Variants in RAPGEF2 observed in about 807,000 individuals in gnomAD.
The protein encoded by RAPGEF2 is PDZ domain containing guanine nucleotide exchange factor (GEF) 1.
Under a neutral mutation model 186.7 loss-of-function variants are expected in RAPGEF2, and 54 were observed. The observed-to-expected ratio is 0.29, with a 90% CI of 0.23 to 0.36. The LOEUF is 0.36. Ranked by LOEUF, RAPGEF2 falls within the 10% of genes least tolerant of loss-of-function variation. The pLI, the probability that RAPGEF2 is intolerant of heterozygous loss-of-function variation, is 1.00. For synonymous variants in RAPGEF2, 712 were observed against 705.9 expected (o/e 1.01, Z -0.14); for missense variants, 1,532 against 2,045.0 (o/e 0.75, Z 4.84).
rs567321043 is a variant in RAPGEF2 at position 159,139,575 on chromosome 4, TA to T, written c.69+35355del. Among the ~76,000 whole-genome samples, 1,373 of 148,022 alleles carry T rather than the reference TA, an allele frequency of 9.3e-3. 8 individuals are homozygous for T. Among genetic ancestry groups the T allele is most frequent in the African/African-American group, 0.019 (772 of 40,666 alleles). ...ACATGGAGTGTGATACTGGTGAAAT[TA>T]AAAAAAAAAATGTAGCACTTTAAAT... is the stretch of plus-strand genomic sequence containing the variant. On this transcript the variant is annotated intron_variant, in intron 1 of 29. Coordinates refer to ENST00000691494, the MANE Select transcript of RAPGEF2 (RefSeq NM_001394067.2).
chr4:159,154,587 A>G (rs138709388), intron 1 of RAPGEF2, among the ~76,000 whole-genome samples: 1 of 151,802 alleles, frequency 6.6e-6, no homozygotes, highest in African/African-American at 2.4e-5. Context: ...TTTAGCATTT[A>G]AGATCAAATG....
rs144126951 is a variant in RAPGEF2, at chr4:159,347,348, A to G, written c.3712+350A>G. Among the ~76,000 whole-genome samples the G allele has an allele frequency of 2.8e-3, 427 of 152,384 alleles. 2 individuals are homozygous for G. The highest frequency in any genetic ancestry group is 9.2e-3 in the African/African-American group (383 of 41,588). On this transcript the variant is annotated intron_variant, in intron 25 of 29. Transcript: ENST00000691494. The stretch of plus-strand genomic sequence containing the variant: ...ACAACCAACAAACTGCTGGGATTTA[A>G]GCAGAATATTTTTAAGTTAAATGAA...
intron 3 of RAPGEF2, 99 bp downstream of exon 3, chr4:159,193,355 C>G (rs1285160198): frequency 5.5e-6 from 3 of 542,820 alleles, no homozygotes; most frequent in Admixed American, 4.2e-5. Flanking sequence ...TAAGTCAGCA[C>G]TAACTTATTT....
chr4:159,254,110 T>TGGA (rs1755838723), intron 7 of RAPGEF2, among the ~76,000 whole-genome samples: 1 of 152,172 alleles, frequency 6.6e-6, no homozygotes, highest in Non-Finnish European at 1.5e-5. Context: ...TACTAATGGG[T>TGGA]GGAGATATAA....
At position 159,103,470 on chromosome 4, in the gene RAPGEF2, A is replaced by G; in HGVS notation, c.-693A>G. ...GGCGGCGGCTGGGCGGCCCGAGGGG[A>G]TGCAGCAGCAGTCGGGAGGGACGGC... On this transcript the variant is annotated 5_prime_UTR_variant, in exon 1 of 30. The change abolishes an upstream ATG in the 5' untranslated region. Transcript: ENST00000691494. 6.4e-6 allele frequency: 1 copy of G among 157,302 alleles called. No homozygotes were observed. The highest frequency in any genetic ancestry group is 1.4e-5 in the Non-Finnish European group (1 of 71,916). The allele number at this position is 157,302 out of a possible 1,614,324, so 9.7% of individuals were successfully genotyped here. A position where few individuals can be genotyped will look rare whatever the true frequency, so the allele number is the denominator to read the frequency against.
intron 2 of RAPGEF2, among the ~76,000 whole-genome samples, chr4:159,191,889 G>A (rs1207634151): frequency 6.6e-6 from 1 of 152,198 alleles, no homozygotes; most frequent in Non-Finnish European, 1.5e-5. Flanking sequence ...CTTGAGTTAT[G>A]TTACATATTA....
Position 159,217,426 on chromosome 4 carries a change from T to C in RAPGEF2, c.281+6843T>C, listed in dbSNP as rs528720158. On this transcript the variant is annotated intron_variant, in intron 4 of 29. Transcript: ENST00000691494. The stretch of plus-strand genomic sequence containing the variant: ...CTTATAAGTGAGAACATGTGATACT[T>C]GGTTTTCGGTTTCTGTGTTGCGGCC... 7.2e-5 allele frequency among the ~76,000 whole-genome samples: 11 copies of C among 152,278 alleles called. No individual in the cohort carries two copies. In the South Asian group the frequency reaches 2.1e-3, roughly 29 times the overall value.
chr4:159,143,584 T>C (rs1396168731), intron 1 of RAPGEF2, among the ~76,000 whole-genome samples: 1 of 152,212 alleles, frequency 6.6e-6, no homozygotes. Context: ...TTATTTTGAC[T>C]GAGAACTTGG....
At chr4:159,267,917 T>G (rs1757620804) in intron 7 of RAPGEF2, 1 of 1,263,116 alleles carries the variant, frequency 7.9e-7, no homozygotes, top group African/African-American at 1.5e-5. Context: ...CCTAGGATGG[T>G]TAGAGTTTCA....
chr4:159,106,509 G>A (rs1737903065), intron 1 of RAPGEF2, among the ~76,000 whole-genome samples: 1 of 152,086 alleles, frequency 6.6e-6, no homozygotes, highest in South Asian at 2.1e-4. Flanking sequence ...TCTTATAAAT[G>A]TTTGTGAGTT....
At chr4:159,157,579 A>G (rs1443769748) in intron 1 of RAPGEF2, among the ~76,000 whole-genome samples, 2 of 152,194 alleles carry the variant, frequency 1.3e-5, no homozygotes, top group African/African-American at 4.8e-5. Flanking sequence ...TGGCTTTTTA[A>G]AAGAACATGT....
intron 3 of RAPGEF2, among the ~76,000 whole-genome samples, chr4:159,209,549 G>A (rs1006474765): frequency 1.3e-5 from 2 of 152,152 alleles, no homozygotes; most frequent in African/African-American, 2.4e-5. Context: ...TGTAATCTCC[G>A]TGAGGGCAGG....
intron 8 of RAPGEF2, among the ~76,000 whole-genome samples, chr4:159,312,102 C>T (rs1008115991): frequency 1.3e-5 from 2 of 151,904 alleles, no homozygotes; most frequent in East Asian, 3.9e-4. Context: ...ATAATTTAAA[C>T]GATAATTATT....
At chr4:159,261,263 T>C (rs6849337) in intron 7 of RAPGEF2, among the ~76,000 whole-genome samples, 62,045 of 151,276 alleles carry the variant, frequency 0.41, 15,306 homozygotes, top group East Asian at 0.9. Flanking sequence ...GGGGTTTCAC[T>C]GTGTTAGCCA....
At chr4:159,178,715 G>A (rs940219017) in intron 1 of RAPGEF2, among the ~76,000 whole-genome samples, 6 of 151,830 alleles carry the variant, frequency 4.0e-5, no homozygotes, top group African/African-American at 1.5e-4. Context: ...ACACTACCAC[G>A]CCCGGCTAGT....
At chr4:159,264,869 ACTGT>A (rs1212836883) in intron 7 of RAPGEF2, among the ~76,000 whole-genome samples, 1 of 152,014 alleles carries the variant, frequency 6.6e-6, no homozygotes, top group South Asian at 2.1e-4. Context: ...TCCTTTTGTG[ACTGT>A]CTTATTTCTA....
chr4:159,170,907 C>A (rs571533111), intron 1 of RAPGEF2, among the ~76,000 whole-genome samples: 1 of 152,206 alleles, frequency 6.6e-6, no homozygotes, highest in South Asian at 2.1e-4. Flanking sequence ...TTTTATTCTT[C>A]TGCATGTGTA....
intron 7 of RAPGEF2, among the ~76,000 whole-genome samples, chr4:159,258,342 T>C (rs1756425620): frequency 6.6e-6 from 1 of 152,218 alleles, no homozygotes; most frequent in Non-Finnish European, 1.5e-5. Context: ...GCTGACTTTT[T>C]TCTCAAGAAA....
Position 159,353,578 on chromosome 4 carries a change from G to C in RAPGEF2, c.4183G>C (p.Gly1395Arg). ...PSTEELSQDQGDRASLDAADS... is the reference protein window; with the variant it reads ...PSTEELSQDQRDRASLDAADS... ...CACAGAGGAACTTTCCCAGGATCAG[G>C]GGGATCGCGCGTCACTTGATGCTGC... Residue 1395 changes from glycine to arginine, a missense_variant, in exon 28 of 30, where the codon GGG becomes CGG. Gly to Arg is a moderately radical substitution (Grantham distance 125). Around this residue, in one of 4 missense-constraint regions of RAPGEF2, gnomAD observed 594 missense variants for 608.5 expected, o/e 0.98. Coordinates refer to ENST00000691494, the MANE Select transcript of RAPGEF2 (RefSeq NM_001394067.2). The surrounding 1 kb of genome is among the most constrained non-coding windows in gnomAD (Gnocchi z 4.3). 6.3e-7 allele frequency: 1 copy of C among 1,585,900 alleles called. No individual in the cohort carries two copies. Among genetic ancestry groups the C allele is most frequent in the Non-Finnish European group, 8.6e-7 (1 of 1,169,086 alleles).
Sources: gnomAD v4.1 joint callset for allele counts (sites outside exome capture counted in the v4.1 genomes callset) on GRCh38, gnomAD v4.1.1 for gene constraint, gnomAD v4.1.1 regional missense constraint, Gnocchi (gnomAD v3.1) non-coding constraint, MANE v1.5 for transcripts, NCBI Gene and HGNC (gene_info 2026-07-23, HGNC 2026-07-21) for gene names.